Variants in SLC38A9 observed in about 807,000 individuals in gnomAD.
SLC38A9 encodes the protein neutral amino acid transporter 9.
In SLC38A9, 48 loss-of-function variants were observed where a neutral mutation model predicts 62.3. The observed-to-expected ratio is 0.77, with a 90% CI of 0.61 to 0.98. SLC38A9 has a LOEUF of 0.98. Ranked by LOEUF, SLC38A9 falls within the 50% of genes least tolerant of loss-of-function variation. SLC38A9 has a pLI of 0.00. For missense variants in SLC38A9, 541 were observed against 679.8 expected (o/e 0.80, Z 2.27); for synonymous variants, 204 against 227.7 (o/e 0.90, Z 0.94).
At chr5:55,652,421 C>T (rs1205249399) in intron 10 of SLC38A9, 108 bp downstream of exon 10, 6 of 307,574 alleles carry the variant, frequency 2.0e-5, no homozygotes, top group Non-Finnish European at 3.5e-5. Flanking sequence ...ACAAATTAAA[C>T]ACAGATGAAC....
chr5:55,644,786 A>G (rs1746040773), intron 12 of SLC38A9, among the ~76,000 whole-genome samples: 3 of 152,092 alleles, frequency 2.0e-5, no homozygotes, highest in Admixed American at 2.0e-4. Context: ...TTACATATGT[A>G]TACATGTGCC....
intron 3 of SLC38A9, among the ~76,000 whole-genome samples, chr5:55,687,413 C>T (rs1754056174): frequency 1.0e-5 from 1 of 97,762 alleles, no homozygotes. Context: ...GGCGACAGAA[C>T]GAGACTCCGT....
At chr5:55,687,214 C>T (rs1021717938) in intron 3 of SLC38A9, among the ~76,000 whole-genome samples, 2 of 150,428 alleles carry the variant, frequency 1.3e-5, no homozygotes, top group African/African-American at 2.4e-5. Flanking sequence ...CCGAGGCGGG[C>T]GGATCACGAG....
At chr5:55,679,600 T>A (rs34715068) in intron 3 of SLC38A9, among the ~76,000 whole-genome samples, 1 of 150,798 alleles carries the variant, frequency 6.6e-6, no homozygotes, top group African/African-American at 2.4e-5. Flanking sequence ...TTTAGTTTTT[T>A]GTTTTTTTTT....
At chr5:55,660,058 G>T (rs916680270) in intron 8 of SLC38A9, among the ~76,000 whole-genome samples, 1 of 149,238 alleles carries the variant, frequency 6.7e-6, no homozygotes, top group Non-Finnish European at 1.5e-5. Context: ...GAGCCACCAC[G>T]CCCGGCTACA....
At chr5:55,673,532 TGA>T (rs1444224691) in intron 3 of SLC38A9, 1 of 152,116 alleles carries the variant, frequency 6.6e-6, no homozygotes, top group Non-Finnish European at 1.5e-5. Flanking sequence ...AAATCATAAG[TGA>T]CACTGTGCCC....
At chr5:55,669,938 GT>G in intron 4 of SLC38A9, 59 bp from the exon 5 acceptor site, 1 of 1,506,344 alleles carries the variant, frequency 6.6e-7, no homozygotes, top group Non-Finnish European at 9.0e-7. Flanking sequence ...TAGGATATTT[GT>G]TACACATCAG....
At chr5:55,689,788 G>A (rs1434935805) in intron 3 of SLC38A9, among the ~76,000 whole-genome samples, 1 of 152,068 alleles carries the variant, frequency 6.6e-6, no homozygotes, top group East Asian at 1.9e-4. Flanking sequence ...TTTTATCTGG[G>A]TATTAAATGC....
chr5:55,687,065 G>GTTCTTTT (rs1561413549), intron 3 of SLC38A9, among the ~76,000 whole-genome samples: 2 of 125,706 alleles, frequency 1.6e-5, no homozygotes, highest in African/African-American at 3.2e-5. Flanking sequence ...CTCCAGCTTT[G>GTTCTTTT]TTTTTTTTTT....
At chr5:55,639,967 T>C (rs1343399224) in intron 12 of SLC38A9, among the ~76,000 whole-genome samples, 1 of 143,992 alleles carries the variant, frequency 6.9e-6, no homozygotes, top group African/African-American at 2.5e-5. Flanking sequence ...AAAAAAAAAA[T>C]CCATTTAAAC....
intron 3 of SLC38A9, among the ~76,000 whole-genome samples, chr5:55,683,206 C>A (rs964369132): frequency 6.6e-6 from 1 of 151,936 alleles, no homozygotes; most frequent in African/African-American, 2.4e-5. Context: ...GTAAATATAC[C>A]AAAAGGTTTT....
chr5:55,711,248 A>C (rs537813696), intron 2 of SLC38A9: 2 of 150,938 alleles, frequency 1.3e-5, no homozygotes, highest in African/African-American at 4.9e-5. Context: ...AGCCGAGATC[A>C]CTCCACTGCA....
intron 3 of SLC38A9, among the ~76,000 whole-genome samples, chr5:55,684,081 T>A (rs1753412232): frequency 6.6e-6 from 1 of 152,208 alleles, no homozygotes; most frequent in Non-Finnish European, 1.5e-5. Context: ...TGATTCTTTT[T>A]GAAAAAACAT....
chr5:55,702,155 T>C (rs909155405), intron 2 of SLC38A9, among the ~76,000 whole-genome samples: 7 of 152,210 alleles, frequency 4.6e-5, no homozygotes, highest in African/African-American at 1.7e-4. Flanking sequence ...CTGTGTAACT[T>C]AGCATTAACA....
rs142509260 is a variant in SLC38A9 at position 55,661,776 on chromosome 5, T to G, written c.697+2917A>C. On this transcript the variant is annotated intron_variant, in intron 8 of 15. Coordinates refer to ENST00000396865, the MANE Select transcript of SLC38A9 (RefSeq NM_173514.4). ...AGACAAGCCACTAATTAGAAGATATTTGCAACACAATAATGGATAAATGGT... is the reference window on the plus strand; with the variant it reads ...AGACAAGCCACTAATTAGAAGATATGTGCAACACAATAATGGATAAATGGT... Among the ~76,000 whole-genome samples the G allele has an allele frequency of 2.2e-3, 338 of 152,296 alleles. 5 individuals are homozygous for G. The highest frequency in any genetic ancestry group is 2.1e-3 in the South Asian group (10 of 4,826).
chr5:55,688,210 T>C (rs1199594958), intron 3 of SLC38A9, among the ~76,000 whole-genome samples: 1 of 152,140 alleles, frequency 6.6e-6, no homozygotes, highest in Admixed American at 6.5e-5. Context: ...CAAACAGGGA[T>C]AGTTTGACTT....
At chr5:55,684,497 C>G (rs1479071078) in intron 3 of SLC38A9, among the ~76,000 whole-genome samples, 1 of 152,136 alleles carries the variant, frequency 6.6e-6, no homozygotes, top group African/African-American at 2.4e-5. Context: ...GGAGGCCATT[C>G]TATTTCAAAT....
intron 3 of SLC38A9, among the ~76,000 whole-genome samples, chr5:55,680,472 C>G (rs1752844945): frequency 6.6e-6 from 1 of 152,196 alleles, no homozygotes; most frequent in Non-Finnish European, 1.5e-5. Context: ...AAGGCCCTTA[C>G]AAAAGAGGCT....
chr5:55,694,267 G>A (rs915797648), intron 3 of SLC38A9: 3 of 192,880 alleles, frequency 1.6e-5, no homozygotes, highest in Non-Finnish European at 3.4e-5. Flanking sequence ...TATTCCTGAT[G>A]GCATGACAGG....
Sources: allele counts gnomAD v4.1 joint callset (sites outside exome capture counted in the v4.1 genomes callset), GRCh38; gene constraint gnomAD v4.1.1; transcripts MANE v1.5; gene names NCBI Gene and HGNC (gene_info 2026-07-23, HGNC 2026-07-21).